Variants in ARHGAP30 observed in about 807,000 individuals in gnomAD.
The protein encoded by ARHGAP30 is rho GTPase-activating protein 30.
Under a neutral mutation model 72.0 loss-of-function variants are expected in ARHGAP30, and 23 were observed. The observed-to-expected ratio is 0.32, with a 90% confidence interval of 0.23 to 0.45. The LOEUF (loss-of-function observed/expected upper bound fraction) is 0.45. Ranked by LOEUF, ARHGAP30 falls within the 20% of genes least tolerant of loss-of-function variation. The pLI is 1.00. For synonymous variants in ARHGAP30, 576 were observed against 528.2 expected (o/e 1.09, Z -1.24); for missense variants, 1,319 against 1,383.4 (o/e 0.95, Z 0.74).
chr1:161,068,381 C>G (rs904052134), intron 1 of ARHGAP30, among the ~76,000 whole-genome samples: 1 of 152,124 alleles, frequency 6.6e-6, no homozygotes, highest in African/African-American at 2.4e-5. Context: ...TTCCCTTAAC[C>G]AAGGGCAATG....
At chr1:161,058,849 A>G (rs1372218184) in intron 2 of ARHGAP30, among the ~76,000 whole-genome samples, 4 of 128,624 alleles carry the variant, frequency 3.1e-5, no homozygotes, top group Non-Finnish European at 6.4e-5. Context: ...CAACAGAGTG[A>G]GACTCTATCT....
chr1:161,068,507 A>C (rs986662401), intron 1 of ARHGAP30, among the ~76,000 whole-genome samples: 1 of 152,078 alleles, frequency 6.6e-6, no homozygotes, highest in African/African-American at 2.4e-5. Flanking sequence ...CTCCGCTGCA[A>C]GCACCACAGC....
At chr1:161,060,025 TAA>T in intron 1 of ARHGAP30, 1 of 341,120 alleles carries the variant, frequency 2.9e-6, no homozygotes, top group South Asian at 2.4e-5. Flanking sequence ...CTCACCCCTG[TAA>T]GCCAGCACCT....
intron 6 of ARHGAP30, 100 bp from the exon 7 acceptor site, chr1:161,052,897 A>G: frequency 7.1e-7 from 1 of 1,406,296 alleles, no homozygotes; most frequent in Non-Finnish European, 9.6e-7. Context: ...CAGGTTAGGG[A>G]TATATTCAGA....
Position 161,049,673 on chromosome 1 carries a change from T to G in ARHGAP30, c.1437A>C (p.Ala479=). ...GPGPPDEKLE[A]SPASSPLADS... is the part of the protein sequence containing the mutation. ...CTGCCAGGGGACTTGAGGCTGGACT[T>G]GCTTCCAACTTTTCATCTGTTGGGG... The change falls in exon 11 of 12, where the codon GCA becomes GCC. Residue 479 remains alanine, a synonymous_variant. Transcript: ENST00000368013. 1.9e-6 allele frequency: 3 copies of G among 1,613,330 alleles called. No homozygotes were observed. The East Asian group carries it at 6.7e-5, about 36-fold the overall frequency.
chr1:161,047,631 A>G lies in ARHGAP30; in HGVS notation c.*84T>C. 6 of 1,411,932 alleles carry G rather than the reference A, an allele frequency of 4.2e-6. No homozygotes were observed. Among genetic ancestry groups the G allele is most frequent in the Non-Finnish European group, 5.7e-6 (6 of 1,057,468 alleles). The allele number at this position is 1,411,932 out of a possible 1,614,324, so 87.5% of individuals were successfully genotyped here. A position where few individuals can be genotyped will look rare whatever the true frequency, so the allele number is the denominator to read the frequency against. On this transcript the variant is annotated 3_prime_UTR_variant, in exon 12 of 12. Coordinates refer to ENST00000368013, the MANE Select transcript of ARHGAP30 (RefSeq NM_001025598.2). ...ATAGAGTTGGGCACTACAGCTGCTC[A>G]TGCTGCAGAGGAGACAGCTAGTCAG...
At chr1:161,063,931 C>T (rs1003501250) in intron 1 of ARHGAP30, among the ~76,000 whole-genome samples, 4 of 152,292 alleles carry the variant, frequency 2.6e-5, no homozygotes, top group Non-Finnish European at 4.4e-5. Context: ...TTGGTCAGAC[C>T]GGTTGATCTC....
chr1:161,064,666 G>C (rs1359449644), intron 1 of ARHGAP30, among the ~76,000 whole-genome samples: 1 of 151,830 alleles, frequency 6.6e-6, no homozygotes, highest in Non-Finnish European at 1.5e-5. Flanking sequence ...GCTAAAGCAG[G>C]AGATTGCTTG....
Position 161,048,782 on chromosome 1 carries a change from C to T in ARHGAP30, c.2239G>A (p.Glu747Lys), listed in dbSNP as rs759817018. The T allele has an allele frequency of 6.2e-7, 1 of 1,614,072 alleles. No individual in the cohort carries two copies. Among genetic ancestry groups the T allele is most frequent in the South Asian group, 1.1e-5 (1 of 91,078 alleles). Residue 747 changes from glutamate to lysine, a missense_variant, in exon 12 of 12, where the codon GAA (glutamate) becomes AAA (lysine). Transcript: ENST00000368013. ...PGGDEYTDEK[E>K]KEIEREEDEQ... ...TCCTCTTCTCTCTCAATTTCTTTTT[C>T]CTTCTCATCTGTATACTCATCTCCT...
intron 1 of ARHGAP30, among the ~76,000 whole-genome samples, chr1:161,061,816 G>A (rs1327984536): frequency 6.6e-6 from 1 of 152,136 alleles, no homozygotes; most frequent in East Asian, 1.9e-4. Flanking sequence ...GGCCAGGCGT[G>A]GTGGCTCACG....
intron 10 of ARHGAP30, 35 bp from the exon 11 acceptor site, chr1:161,049,724 G>C (rs1159897204): frequency 1.9e-6 from 3 of 1,596,870 alleles, no homozygotes; most frequent in Non-Finnish European, 2.6e-6. Flanking sequence ...GAATACAAAG[G>C]TCAAGCCCTG....
At chr1:161,063,093 G>C (rs763193833) in intron 1 of ARHGAP30, among the ~76,000 whole-genome samples, 1 of 152,196 alleles carries the variant, frequency 6.6e-6, no homozygotes, top group African/African-American at 2.4e-5. Context: ...GATTACAGGC[G>C]TGAGCCACTG....
intron 10 of ARHGAP30, 139 bp from the exon 11 acceptor site, chr1:161,049,828 T>C (rs1651217323): frequency 5.8e-6 from 7 of 1,205,252 alleles, no homozygotes; most frequent in Non-Finnish European, 6.8e-6. Context: ...TTCAGACCAA[T>C]GTCCCTAGTT....
intron 6 of ARHGAP30, 51 bp from the exon 7 acceptor site, chr1:161,052,848 C>T (rs562032709): frequency 3.1e-4 from 499 of 1,586,436 alleles, no homozygotes; most frequent in South Asian, 4.9e-4. Flanking sequence ...AAGAGAGGGA[C>T]CTCAGGCACC....
In ARHGAP30 at chr1:161,064,890, GAGGA is replaced by G. The variant is rs758692024; in HGVS notation, c.97+4634_97+4637del. ...AAGGAGAGGAAGGAGAGAAAAGAGA[GAGGA>G]AGGAAGGGAGGGAGGGAAGGAAGAG... is the stretch of plus-strand genomic sequence containing the variant. On this transcript the variant is annotated intron_variant, in intron 1 of 11. Transcript: ENST00000368013. 5.1e-4 allele frequency among the ~76,000 whole-genome samples: 76 copies of G among 150,490 alleles called. 2 individuals are homozygous for G. The South Asian group carries it at 0.014, about 29-fold the overall frequency.
At position 161,049,051 on chromosome 1, in the gene ARHGAP30, A is replaced by C; in HGVS notation, c.1970T>G (p.Val657Gly). 2 of 1,613,134 alleles carry C rather than the reference A, an allele frequency of 1.2e-6. No homozygotes were observed. The highest frequency in any genetic ancestry group is 1.7e-6 in the Non-Finnish European group (2 of 1,179,736). The change falls in exon 12 of 12, where the codon GTT (valine) becomes GGT (glycine). Residue 657 changes from valine to glycine, a missense_variant. This residue lies in a region of ARHGAP30 where 1,097 missense variants were observed against 1,045.2 expected (regional missense o/e 1.05). Transcript: ENST00000368013. ...QGGEEQACWE[V>G]GEDKQAEPGG... ...AGGCTCAGCCTGCTTGTCCTCCCCA[A>C]CTTCCCAGCATGCCTGCTCTTCCCC...
chr1:161,057,109 A>G (rs1651931489), intron 2 of ARHGAP30, among the ~76,000 whole-genome samples: 1 of 152,232 alleles, frequency 6.6e-6, no homozygotes, highest in South Asian at 2.1e-4. Context: ...AGCATTCCAA[A>G]CATATAAAGA....
At position 161,069,504 on chromosome 1, in the gene ARHGAP30, C is replaced by A; in HGVS notation, c.97+24G>T. 6.2e-7 allele frequency: 1 copy of A among 1,603,666 alleles called. No homozygotes were observed. Among genetic ancestry groups the A allele is most frequent in the Non-Finnish European group, 8.5e-7 (1 of 1,177,558 alleles). ...GCCCAGTGCCTCCCCACCCACCCTGCAGAAGCTGAGCCGGCCTCCTTACCC... is the reference window on the plus strand; with the variant it reads ...GCCCAGTGCCTCCCCACCCACCCTGAAGAAGCTGAGCCGGCCTCCTTACCC... On this transcript the variant is annotated intron_variant, in intron 1 of 11. Transcript: ENST00000368013. The surrounding 1 kb of genome is among the most constrained non-coding windows in gnomAD (Gnocchi z 4.9).
Position 161,048,317 on chromosome 1 carries a change from C to T in ARHGAP30, c.2704G>A (p.Gly902Arg), listed in dbSNP as rs1247956465. Residue 902 changes from glycine (G) to arginine (R), a missense_variant, in exon 12 of 12, where the codon GGG (glycine) becomes AGG (arginine). This residue lies in a region of ARHGAP30 where 1,097 missense variants were observed against 1,045.2 expected (regional missense o/e 1.05). Coordinates refer to ENST00000368013, the MANE Select transcript of ARHGAP30 (RefSeq NM_001025598.2). ...AGACAGCCGTCTGGACTGGGCTGCCCCTCAGGCTCCATCTCCTCTGGCTGA... is the reference window on the plus strand; with the variant it reads ...AGACAGCCGTCTGGACTGGGCTGCCTCTCAGGCTCCATCTCCTCTGGCTGA... ...PPQPEEMEPE[G>R]QPSPDGCLCP... is the part of the protein sequence containing the mutation. The T allele has an allele frequency of 3.7e-6, 6 of 1,614,194 alleles. No individual in the cohort carries two copies. The highest frequency in any genetic ancestry group is 1.1e-5 in the South Asian group (1 of 91,088).
Sources: gnomAD v4.1 joint callset for allele counts (sites outside exome capture counted in the v4.1 genomes callset) on GRCh38, gnomAD v4.1.1 for gene constraint, gnomAD v4.1.1 regional missense constraint, Gnocchi (gnomAD v3.1) non-coding constraint, MANE v1.5 for transcripts, NCBI Gene and HGNC (gene_info 2026-07-23, HGNC 2026-07-21) for gene names.